Variants in PIR observed in about 807,000 individuals in gnomAD.
PIR encodes the protein pirin.
In PIR, 22 loss-of-function variants were observed where a neutral mutation model predicts 24.2. The ratio of observed to expected loss-of-function variants is 0.91; its 90% CI spans 0.65 to 1.30. The LOEUF is 1.30. Ranked by LOEUF, PIR falls within the 50% of genes most tolerant of loss-of-function variation. PIR has a pLI of 0.00. For synonymous variants in PIR, 80 were observed against 79.6 expected, an observed-to-expected ratio of 1.00 and a Z score of -0.03; for missense variants, 220 against 220.3, an observed-to-expected ratio of 1.00 and a Z score of 0.01.
intron 6 of PIR, among the ~76,000 whole-genome samples, chrX:15,422,383 G>C (rs759067498): frequency 3.7e-5 from 4 of 107,999 alleles, no homozygotes; most frequent in Non-Finnish European, 7.6e-5. Flanking sequence ...AGTCAAACTA[G>C]TCTTGTTCAC....
At chrX:15,434,660 C>T (rs769260220) in intron 5 of PIR, among the ~76,000 whole-genome samples, 8 of 106,971 alleles carry the variant, frequency 7.5e-5, no homozygotes, top group African/African-American at 1.4e-4. Flanking sequence ...GGAAAATTGG[C>T]GGCTATGAAG....
intron 5 of PIR, among the ~76,000 whole-genome samples, chrX:15,440,273 C>T (rs113792097): frequency 0.021 from 2,288 of 111,320 alleles, 66 homozygotes; most frequent in African/African-American, 0.069. Flanking sequence ...TGATTTATTC[C>T]TCATTTTTTT....
intron 6 of PIR, among the ~76,000 whole-genome samples, chrX:15,421,321 GAGACAAAAAAATACAGAAGATCAATGA>G (rs1240313957): frequency 8.9e-6 from 1 of 111,735 alleles, no homozygotes; most frequent in Non-Finnish European, 1.9e-5. Context: ...AAATGAAATT[GAGACAAAAAAATACAGAAGATCAATGA>G]AGTGACAAGT....
rs368014883 is a variant in PIR, at chrX:15,425,921, G to A, written c.550C>T (p.Gln184Ter). Residue 184 changes from glutamine (Q) to a stop codon, truncating the protein, a stop_gained, in exon 6 of 10, where the codon CAA becomes TAA. Transcript: ENST00000380420. LOFTEE classifies it high-confidence loss of function. ...FKLDPGAKHS[Q>*]PIPKGWTSFI... ...CCCATCATACCTTTAGGGATAGGTT[G>A]GGAATGTTTGGCTCCTGGGTCCAAT... is the stretch of plus-strand genomic sequence containing the variant. 3.7e-5 allele frequency: 43 copies of A among 1,165,089 alleles called. No individual in the cohort carries two copies. In the South Asian group the frequency reaches 7.2e-4, roughly 19 times the overall value.
intron 8 of PIR, among the ~76,000 whole-genome samples, chrX:15,391,263 TTTA>T (rs1923950438): frequency 8.9e-6 from 1 of 112,365 alleles, no homozygotes; most frequent in South Asian, 3.6e-4. Flanking sequence ...AATATTAGCA[TTTA>T]TTATTTCTGA....
At chrX:15,480,613 C>T (rs1922452116) in intron 2 of PIR, among the ~76,000 whole-genome samples, 1 of 111,753 alleles carries the variant, frequency 8.9e-6, no homozygotes. Context: ...GGTCAGAAAA[C>T]TCAGGAATAT....
chrX:15,472,262 G>C (rs1042614514), intron 3 of PIR, among the ~76,000 whole-genome samples: 4 of 112,007 alleles, frequency 3.6e-5, no homozygotes, highest in Admixed American at 9.4e-5. Flanking sequence ...AGAAAAAAAG[G>C]GTTCAGCGAA....
intron 9 of PIR, 139 bp from the exon 10 acceptor site, chrX:15,385,255 G>T (rs1159531152): frequency 1.6e-5 from 6 of 377,340 alleles, no homozygotes; most frequent in African/African-American, 1.6e-4. Context: ...TTTTCACAGT[G>T]TTCAATCCCC....
At chrX:15,422,859 C>T (rs1232663682) in intron 6 of PIR, among the ~76,000 whole-genome samples, 1 of 111,529 alleles carries the variant, frequency 9.0e-6, no homozygotes, top group African/African-American at 3.3e-5. Context: ...CCCAAATAGC[C>T]AAAGCAATCC....
Position 15,491,270 on chromosome X carries a change from A to G in PIR, c.-13T>C, listed in dbSNP as rs752538400. The G allele has an allele frequency of 1.8e-6, 2 of 1,112,468 alleles. No homozygotes were observed. The highest frequency in any genetic ancestry group is 2.5e-6 in the Non-Finnish European group (2 of 808,940). 91.7% of individuals were successfully genotyped at this position (1,112,468 alleles called of 1,213,427 possible). The stretch of plus-strand genomic sequence containing the variant: ...TGGAGGACCCCATATCGGAGTCTAA[A>G]AAGAGAGTGTTCTGATGCTGAGCTG... On this transcript the variant is annotated 5_prime_UTR_variant, in exon 2 of 10. Coordinates refer to ENST00000380420, the MANE Select transcript of PIR (RefSeq NM_001018109.3).
At chrX:15,419,625 G>A (rs2147026043) in intron 6 of PIR, among the ~76,000 whole-genome samples, 1 of 111,558 alleles carries the variant, frequency 9.0e-6, no homozygotes, top group East Asian at 2.8e-4. Context: ...GCCGGGTGTG[G>A]TAGTTCATGC....
intron 4 of PIR, among the ~76,000 whole-genome samples, chrX:15,457,343 G>A (rs1049776529): frequency 3.6e-5 from 4 of 111,639 alleles, no homozygotes; most frequent in African/African-American, 1.3e-4. Context: ...ACACATACGG[G>A]GACCATCACC....
chrX:15,427,693 TAC>T lies in PIR; in HGVS notation c.481-1705_481-1704del, dbSNP rs58998460. Among the ~76,000 whole-genome samples, 707 of 103,263 alleles carry T rather than the reference TAC, an allele frequency of 6.8e-3. 7 individuals carry two copies. Among genetic ancestry groups the T allele is most frequent in the African/African-American group, 0.018 (510 of 28,635 alleles). 89.7% of individuals were successfully genotyped at this position (103,263 alleles called of 115,157 possible). On this transcript the variant is annotated intron_variant, in intron 5 of 9. Transcript: ENST00000380420. The stretch of plus-strand genomic sequence containing the variant: ...TATGAATATATGTACTGACAGTACA[TAC>T]ACACACACACACACACACACACACA...
At chrX:15,463,787 A>T (rs1423457629) in intron 3 of PIR, among the ~76,000 whole-genome samples, 3 of 112,594 alleles carry the variant, frequency 2.7e-5, no homozygotes, top group African/African-American at 9.7e-5. Context: ...GCAAGGATGT[A>T]TTTCCCAGTG....
chrX:15,433,561 A>G (rs1371304925), intron 5 of PIR, among the ~76,000 whole-genome samples: 3 of 101,532 alleles, frequency 3.0e-5, no homozygotes, highest in African/African-American at 1.1e-4. Context: ...AAAGAAAGAA[A>G]GAGAGAGAAA....
intron 3 of PIR, among the ~76,000 whole-genome samples, chrX:15,467,868 T>A (rs941197055): frequency 1.8e-5 from 2 of 111,667 alleles, no homozygotes; most frequent in Non-Finnish European, 3.8e-5. Context: ...TTCCAGCTGC[T>A]TCTAGAACCC....
chrX:15,449,465 G>A (rs185611689), intron 5 of PIR, among the ~76,000 whole-genome samples: 164 of 111,857 alleles, frequency 1.5e-3, no homozygotes, highest in Middle Eastern at 4.7e-3. Flanking sequence ...TCATAGCATT[G>A]AATTAAACAT....
intron 5 of PIR, among the ~76,000 whole-genome samples, chrX:15,441,258 A>T (rs191130944): frequency 2.7e-5 from 3 of 112,256 alleles, no homozygotes; most frequent in African/African-American, 9.7e-5. Flanking sequence ...AATGTGATTT[A>T]TAAGGGCAAG....
intron 5 of PIR, among the ~76,000 whole-genome samples, chrX:15,434,868 T>C (rs978345000): frequency 9.0e-6 from 1 of 111,720 alleles, no homozygotes; most frequent in Non-Finnish European, 1.9e-5. Context: ...CCAAAGATCA[T>C]ATAAATGTTT....
Sources: gnomAD v4.1 joint callset for allele counts (sites outside exome capture counted in the v4.1 genomes callset) on GRCh38, gnomAD v4.1.1 for gene constraint, MANE v1.5 for transcripts, NCBI Gene and HGNC (gene_info 2026-07-23, HGNC 2026-07-21) for gene names.